USP43: variants seen among roughly 807,000 people sequenced by gnomAD.
USP43 encodes the protein ubiquitin carboxyl-terminal hydrolase 43.
Under a neutral mutation model 90.7 loss-of-function variants are expected in USP43, and 33 were observed. That is an observed-to-expected ratio of 0.36 (90% CI 0.28 to 0.49). The LOEUF (loss-of-function observed/expected upper bound fraction) is 0.49. Among genes scored for constraint, USP43 ranks in the 20% least tolerant of loss-of-function variants. The pLI is 0.98. For synonymous variants in USP43, 598 were observed against 615.8 expected (o/e 0.97, Z 0.43); for missense variants, 1,274 against 1,476.4 (o/e 0.86, Z 2.25).
At position 9,674,968 on chromosome 17, in the gene USP43, C is replaced by T; in HGVS notation, c.818C>T (p.Pro273Leu). The T allele has an allele frequency of 1.2e-6, 2 of 1,614,024 alleles. No homozygotes were observed. Among genetic ancestry groups the T allele is most frequent in the Non-Finnish European group, 8.5e-7 (1 of 1,179,892 alleles). The change falls in exon 4 of 15, where the codon CCC (proline) becomes CTC (leucine). Residue 273 changes from proline to leucine, a missense_variant. Around this residue, in one of 6 missense-constraint regions of USP43, gnomAD observed 259 missense variants for 373.7 expected, o/e 0.69. Coordinates refer to ENST00000285199, the MANE Select transcript of USP43 (RefSeq NM_153210.5). The surrounding 1 kb of genome is among the most constrained non-coding windows in gnomAD (Gnocchi z 4.4). Reference protein sequence around the residue: ...DPFLCVSLPIPLRQTRFLSVT... With the variant: ...DPFLCVSLPILLRQTRFLSVT... ...TTCCTGTGTGTGTCCCTACCTATCC[C>T]CTTGCGCCAGACGAGGTACGTGAGT...
chr17:9,699,474 G>A (rs1915451408), intron 9 of USP43, among the ~76,000 whole-genome samples: 1 of 152,190 alleles, frequency 6.6e-6, no homozygotes, highest in Non-Finnish European at 1.5e-5. Context: ...GTGGTAGTTT[G>A]GGACTCATCT....
At chr17:9,665,011 T>C (rs1912931663) in intron 2 of USP43, among the ~76,000 whole-genome samples, 2 of 152,180 alleles carry the variant, frequency 1.3e-5, no homozygotes, top group Non-Finnish European at 2.9e-5. Context: ...GGGATTGCCC[T>C]TAGGGACAGA....
At chr17:9,673,694 G>A (rs894865989) in intron 3 of USP43, among the ~76,000 whole-genome samples, 1 of 152,178 alleles carries the variant, frequency 6.6e-6, no homozygotes, top group Non-Finnish European at 1.5e-5. Context: ...TCTGGAAACT[G>A]AGCCTAGCTT....
intron 9 of USP43, among the ~76,000 whole-genome samples, chr17:9,697,338 AT>A (rs1169667739): frequency 0.021 from 3,158 of 148,806 alleles, 111 homozygotes; most frequent in African/African-American, 0.073. Flanking sequence ...CACTTATATA[AT>A]TTTTTTTTTT....
intron 5 of USP43, among the ~76,000 whole-genome samples, chr17:9,678,671 A>T (rs1913956582): frequency 6.6e-6 from 1 of 151,832 alleles, no homozygotes; most frequent in Admixed American, 6.6e-5. Flanking sequence ...CATCTTATTT[A>T]TTTATGTCAT....
intron 3 of USP43, among the ~76,000 whole-genome samples, chr17:9,671,296 G>C (rs1241183635): frequency 6.6e-6 from 1 of 152,068 alleles, no homozygotes; most frequent in Admixed American, 6.5e-5. Flanking sequence ...GTGTGTGTGT[G>C]TGTGCACAAA....
intron 2 of USP43, among the ~76,000 whole-genome samples, chr17:9,664,567 G>A (rs959965122): frequency 5.9e-5 from 9 of 152,080 alleles, no homozygotes; most frequent in African/African-American, 1.9e-4. Context: ...AAGACTCCAT[G>A]GGGGGAGTGA....
In USP43 at chr17:9,701,746, C is replaced by T; in HGVS notation, c.2011+46C>T. 6.9e-7 allele frequency: 1 copy of T among 1,450,714 alleles called. No homozygotes were observed. Among genetic ancestry groups the T allele is most frequent in the Non-Finnish European group, 9.2e-7 (1 of 1,084,272 alleles). The allele number at this position is 1,450,714 out of a possible 1,614,324, so 89.9% of individuals were successfully genotyped here. On this transcript the variant is annotated intron_variant, in intron 12 of 14. Transcript: ENST00000285199. This position sits in a 1 kb window ranked among gnomAD's most constrained non-coding sequence, Gnocchi z 7.2. ...CTGCAAATGCAGCTGTGGCCACAGC[C>T]TCGAGATGTCCCTGGAATGGGTGTT...
chr17:9,680,223 C>T lies in USP43; in HGVS notation c.970-8C>T, dbSNP rs554953314. The T allele has an allele frequency of 1.9e-5, 30 of 1,611,834 alleles. No homozygotes were observed. The South Asian group carries it at 2.6e-4, about 14-fold the overall frequency. ...AATCAAGAGGGAAAATGATCTTTCT[C>T]ATTTCAGGTGATCTTGGTTGAACTG... is the stretch of plus-strand genomic sequence containing the variant. On this transcript the variant is annotated splice_polypyrimidine_tract_variant and splice_region_variant and intron_variant, in intron 5 of 14. Transcript: ENST00000285199.
intron 14 of USP43, 55 bp from the exon 15 acceptor site, chr17:9,727,899 T>G: frequency 6.5e-7 from 1 of 1,539,588 alleles, no homozygotes; most frequent in Non-Finnish European, 8.8e-7. Context: ...GTTAGATGAC[T>G]GGCATTTCAG....
At chr17:9,727,429 C>A (rs369450211) in intron 14 of USP43, among the ~76,000 whole-genome samples, 21 of 152,092 alleles carry the variant, frequency 1.4e-4, no homozygotes, top group African/African-American at 5.1e-4. Context: ...AATACATGCA[C>A]GTGTATATAT....
intron 1 of USP43, among the ~76,000 whole-genome samples, chr17:9,652,970 TTTTC>T (rs1291798529): frequency 2.0e-5 from 3 of 152,204 alleles, no homozygotes; most frequent in African/African-American, 7.2e-5. Flanking sequence ...CGGATTATTA[TTTTC>T]TTTATCATTT....
chr17:9,729,056 C>G lies in USP43; in HGVS notation c.*66C>G. The G allele has an allele frequency of 1.4e-6, 2 of 1,400,608 alleles. No homozygotes were observed. Among genetic ancestry groups the G allele is most frequent in the Middle Eastern group, 1.9e-4 (1 of 5,190 alleles). 86.8% of individuals were successfully genotyped at this position (1,400,608 alleles called of 1,614,324 possible). A position where few individuals can be genotyped will look rare whatever the true frequency, so the allele number is the denominator to read the frequency against. On this transcript the variant is annotated 3_prime_UTR_variant, in exon 15 of 15. Transcript: ENST00000285199. ...CTTTGCCAAGCAACTGTAGGCAGCT[C>G]ATGTTGAGAATGGGTTTCCAGGAAA...
intron 3 of USP43, chr17:9,669,601 T>C (rs1329032022): frequency 6.6e-6 from 1 of 152,196 alleles, no homozygotes; most frequent in African/African-American, 2.4e-5. Flanking sequence ...TGCTAGATAA[T>C]GTACAAGTAA....
chr17:9,655,195 A>G (rs1160434058), intron 1 of USP43, among the ~76,000 whole-genome samples: 1 of 151,710 alleles, frequency 6.6e-6, no homozygotes, highest in Non-Finnish European at 1.5e-5. Flanking sequence ...GGCAGGCATG[A>G]ACAGAGAACA....
chr17:9,686,804 G>A lies in USP43; in HGVS notation c.1248G>A (p.Gly416=), dbSNP rs372018602. ...GATTTCCTTGGATTTTCAGGTTTGG[G>A]CCACCCTTCCTGATAAGGGAAGACA... ...VGSGQQASRF[G]PPFLIREDRA... is the part of the protein sequence containing the mutation. The change falls in exon 8 of 15, where the codon GGG becomes GGA. Residue 416 remains glycine, a synonymous_variant. Coordinates refer to ENST00000285199, the MANE Select transcript of USP43 (RefSeq NM_153210.5). The surrounding 1 kb of genome is among the most constrained non-coding windows in gnomAD (Gnocchi z 5.5). 3.1e-6 allele frequency: 5 copies of A among 1,613,684 alleles called. No individual in the cohort carries two copies. In the African/African-American group the frequency reaches 6.7e-5, roughly 22 times the overall value.
intron 3 of USP43, among the ~76,000 whole-genome samples, chr17:9,671,587 C>A (rs998825123): frequency 6.6e-6 from 1 of 152,198 alleles, no homozygotes; most frequent in Non-Finnish European, 1.5e-5. Flanking sequence ...GGTGGAAAAG[C>A]AAACCGCAGC....
chr17:9,680,133 G>T, intron 5 of USP43, 98 bp from the exon 6 acceptor site: 1 of 1,375,620 alleles, frequency 7.3e-7, no homozygotes, highest in Non-Finnish European at 1.0e-6. Flanking sequence ...GGAAGGAAAA[G>T]GTGAAAAATG....
At chr17:9,718,776 G>T (rs1332123419) in intron 14 of USP43, among the ~76,000 whole-genome samples, 1 of 151,880 alleles carries the variant, frequency 6.6e-6, no homozygotes, top group African/African-American at 2.4e-5. Context: ...GGAGACGGAG[G>T]TTGTGGTGAG....
Sources: allele counts gnomAD v4.1 joint callset (sites outside exome capture counted in the v4.1 genomes callset), GRCh38; gene constraint gnomAD v4.1.1; regional missense constraint gnomAD v4.1.1; non-coding constraint Gnocchi (gnomAD v3.1); transcripts MANE v1.5; gene names NCBI Gene and HGNC (gene_info 2026-07-23, HGNC 2026-07-21).